RBFOX1: variants seen among roughly 807,000 people sequenced by gnomAD.
RBFOX1 encodes the protein RNA binding fox-1 homolog 1, also known as RNA binding protein fox-1 homolog 1.
RBFOX1 carries 8 observed loss-of-function variants against 57.7 expected under a neutral mutation model. The observed-to-expected ratio is 0.14, with a 90% CI of 0.08 to 0.25. The LOEUF is 0.25. Among genes scored for constraint, RBFOX1 ranks in the 10% least tolerant of loss-of-function variants. RBFOX1 has a pLI of 1.00. For synonymous variants in RBFOX1, 326 were observed against 222.4 expected (o/e 1.47, Z -4.15); for missense variants, 611 against 548.5 (o/e 1.11, Z -1.14).
intron 3 of RBFOX1, among the ~76,000 whole-genome samples, chr16:6,782,061 C>T (rs1289241194): frequency 2.0e-5 from 3 of 152,040 alleles, no homozygotes; most frequent in Non-Finnish European, 4.4e-5. Context: ...GGCTGGAGTG[C>T]AGTGGTATGT....
At chr16:6,670,587 G>A (rs2098757914) in intron 3 of RBFOX1, among the ~76,000 whole-genome samples, 1 of 152,136 alleles carries the variant, frequency 6.6e-6, no homozygotes, top group African/African-American at 2.4e-5. Context: ...CTTGATAGTG[G>A]TATGAAAATG....
intron 4 of RBFOX1, among the ~76,000 whole-genome samples, chr16:5,907,103 G>C (rs1024281630): frequency 6.6e-6 from 1 of 152,136 alleles, no homozygotes; most frequent in African/African-American, 2.4e-5. Context: ...GGGGGTTGGA[G>C]GGGTGTACGC....
intron 2 of RBFOX1, among the ~76,000 whole-genome samples, chr16:6,556,879 G>A (rs1390940980): frequency 1.3e-5 from 2 of 151,680 alleles, no homozygotes; most frequent in African/African-American, 4.8e-5. Flanking sequence ...AGGAGAAGTA[G>A]AGGAGATTTC....
intron 3 of RBFOX1, among the ~76,000 whole-genome samples, chr16:5,769,560 A>G (rs886899014): frequency 1.6e-4 from 24 of 151,982 alleles, no homozygotes; most frequent in Middle Eastern, 3.5e-3. Context: ...GGCTGAGGCA[A>G]GAGAATTGCT....
chr16:7,200,414 T>C (rs7194421), intron 4 of RBFOX1, among the ~76,000 whole-genome samples: 14,937 of 152,254 alleles, frequency 0.098, 791 homozygotes, highest in Non-Finnish European at 0.11. Flanking sequence ...CCCACAACTG[T>C]GCTCTCTCCA....
At chr16:5,533,908 C>T (rs1194949276) in intron 2 of RBFOX1, among the ~76,000 whole-genome samples, 1 of 152,074 alleles carries the variant, frequency 6.6e-6, no homozygotes, top group Non-Finnish European at 1.5e-5. Context: ...ATGCAAGCAA[C>T]AGAAAGTGAC....
At chr16:5,661,764 A>T (rs1009274070) in intron 3 of RBFOX1, among the ~76,000 whole-genome samples, 1 of 152,162 alleles carries the variant, frequency 6.6e-6, no homozygotes, top group African/African-American at 2.4e-5. Flanking sequence ...AGCATGCACT[A>T]CATTGGATTC....
intron 4 of RBFOX1, among the ~76,000 whole-genome samples, chr16:7,377,030 A>G (rs1317125195): frequency 6.6e-6 from 1 of 152,162 alleles, no homozygotes; most frequent in Non-Finnish European, 1.5e-5. Context: ...CCCTGTAAAG[A>G]TTTCTTCAAA....
At chr16:7,481,427 T>A (rs2063910972) in intron 4 of RBFOX1, among the ~76,000 whole-genome samples, 2 of 152,190 alleles carry the variant, frequency 1.3e-5, no homozygotes, top group Non-Finnish European at 2.9e-5. Flanking sequence ...TAATATAAAT[T>A]GTTCTTCTTT....
intron 3 of RBFOX1, among the ~76,000 whole-genome samples, chr16:6,835,752 T>TAAAAA (rs56299805): frequency 1.3e-5 from 1 of 76,964 alleles, no homozygotes; most frequent in African/African-American, 5.2e-5. Context: ...AGACTCTGCT[T>TAAAAA]AAAAAAAAAA....
intron 3 of RBFOX1, among the ~76,000 whole-genome samples, chr16:5,863,719 T>A (rs1398456843): frequency 6.6e-6 from 1 of 152,182 alleles, no homozygotes. Flanking sequence ...ATTGGTAAAA[T>A]GATTAATGCG....
chr16:6,795,838 G>A (rs748157730), intron 3 of RBFOX1, among the ~76,000 whole-genome samples: 6 of 150,642 alleles, frequency 4.0e-5, no homozygotes, highest in Non-Finnish European at 8.8e-5. Context: ...AACAAGAAAT[G>A]ACACATGTAT....
In RBFOX1 at chr16:5,866,277, C is replaced by A. The variant is rs568179244; in HGVS notation, c.319-1026C>A. Among the ~76,000 whole-genome samples the A allele has an allele frequency of 2.6e-5, 4 of 152,328 alleles. No individual in the cohort carries two copies. In the South Asian group the frequency reaches 8.3e-4, roughly 32 times the overall value. On this transcript the variant is annotated intron_variant, in intron 3 of 19. Transcript: ENST00000641259. ...AGGCATTGTGCCCAGGCAGCTGTCT[C>A]TTCTTTGATGGGCACTAATCCCATC...
chr16:6,948,465 C>A (rs551812083), intron 3 of RBFOX1, among the ~76,000 whole-genome samples: 1 of 139,534 alleles, frequency 7.2e-6, no homozygotes, highest in African/African-American at 2.7e-5. Flanking sequence ...TCACTACAAC[C>A]TTTGCCTCCT....
At chr16:6,820,756 C>G (rs984195418) in intron 3 of RBFOX1, among the ~76,000 whole-genome samples, 6 of 152,110 alleles carry the variant, frequency 3.9e-5, no homozygotes. Flanking sequence ...GGCCTCAAAT[C>G]GATGCTAAGT....
intron 4 of RBFOX1, among the ~76,000 whole-genome samples, chr16:5,908,625 T>C (rs2058536737): frequency 6.6e-6 from 1 of 152,022 alleles, no homozygotes; most frequent in South Asian, 2.1e-4. Context: ...AGTGCAGAGA[T>C]TTATTATTAA....
chr16:5,433,688 G>C (rs1238802439), intron 1 of RBFOX1, among the ~76,000 whole-genome samples: 1 of 152,162 alleles, frequency 6.6e-6, no homozygotes, highest in Non-Finnish European at 1.5e-5. Context: ...ACGAATAAAT[G>C]AATGAGTCAT....
intron 4 of RBFOX1, among the ~76,000 whole-genome samples, chr16:7,468,951 T>G (rs1388519133): frequency 6.6e-6 from 1 of 152,014 alleles, no homozygotes; most frequent in Non-Finnish European, 1.5e-5. Context: ...TTTTTTTTTT[T>G]GAGGCAGAGT....
chr16:6,148,529 C>G (rs1034309130), intron 1 of RBFOX1, among the ~76,000 whole-genome samples: 24 of 152,124 alleles, frequency 1.6e-4, no homozygotes, highest in Admixed American at 9.2e-4. Flanking sequence ...TCACCACCCT[C>G]AAGGCAGGAA....
Sources: gnomAD v4.1 joint callset for allele counts (sites outside exome capture counted in the v4.1 genomes callset) on GRCh38, gnomAD v4.1.1 for gene constraint, MANE v1.5 for transcripts, NCBI Gene and HGNC (gene_info 2026-07-23, HGNC 2026-07-21) for gene names.